The following CYFIP2 variants were observed in gnomAD, a reference collection of about 807,000 sequenced individuals.
CYFIP2 encodes the protein cytoplasmic FMR1 interacting protein 2, also known as cytoplasmic FMR1-interacting protein 2.
In CYFIP2, 29 loss-of-function variants were observed where a neutral mutation model predicts 158.7. That is an observed-to-expected ratio of 0.18 (90% CI 0.14 to 0.25). CYFIP2 has a LOEUF of 0.25. Among genes scored for constraint, CYFIP2 ranks in the 10% least tolerant of loss-of-function variants. The pLI is 1.00. For synonymous variants in CYFIP2, 585 were observed against 617.6 expected, an observed-to-expected ratio of 0.95 and a Z score of 0.78; for missense variants, 852 against 1,639.5, an observed-to-expected ratio of 0.52 and a Z score of 8.29.
At chr5:157,354,870 G>A (rs1382138599) in intron 23 of CYFIP2, among the ~76,000 whole-genome samples, 1 of 151,592 alleles carries the variant, frequency 6.6e-6, no homozygotes, top group African/African-American at 2.4e-5. Flanking sequence ...ATGTAAATGT[G>A]TATTTATTTG....
intron 1 of CYFIP2, among the ~76,000 whole-genome samples, chr5:157,267,888 TG>T (rs1180814324): frequency 6.6e-6 from 1 of 152,234 alleles, no homozygotes; most frequent in Non-Finnish European, 1.5e-5. Context: ...GCTCTGTATT[TG>T]GCAAGGGCAG....
At chr5:157,350,235 A>G (rs187503790) in intron 23 of CYFIP2, among the ~76,000 whole-genome samples, 3 of 152,300 alleles carry the variant, frequency 2.0e-5, no homozygotes, top group Admixed American at 6.5e-5. Context: ...ATGTTATCTT[A>G]TAAAATTTTT....
In CYFIP2 at chr5:157,338,938, A is replaced by G. The variant is rs774582984; in HGVS notation, c.2386-119A>G. On this transcript the variant is annotated intron_variant, in intron 21 of 30. Coordinates refer to ENST00000620254, the MANE Select transcript of CYFIP2 (RefSeq NM_001037333.3). ...TGTAAGGGTCCTAGTTCCCATGTAGATGGCCAGGAGGTTGTCTGAGCAGCT... is the reference window on the plus strand; with the variant it reads ...TGTAAGGGTCCTAGTTCCCATGTAGGTGGCCAGGAGGTTGTCTGAGCAGCT... 115 of 952,006 alleles carry G rather than the reference A, an allele frequency of 1.2e-4. 1 individual carries two copies. The highest frequency in any genetic ancestry group is 3.1e-4 in the Admixed American group (12 of 38,584). The allele number at this position is 952,006 out of a possible 1,614,324, so 59.0% of individuals were successfully genotyped here.
In CYFIP2 at chr5:157,311,758, C is replaced by T. The variant is rs1256350092; in HGVS notation, c.1087C>T (p.Leu363Phe). The change falls in exon 11 of 31, where the codon CTC becomes TTC. Residue 363 changes from leucine to phenylalanine, a missense_variant. Leu to Phe is a conservative substitution (Grantham distance 22). Around this residue, in one of 8 missense-constraint regions of CYFIP2, gnomAD observed 133 missense variants for 197.1 expected, o/e 0.67. Transcript: ENST00000620254. This position sits in a 1 kb window ranked among gnomAD's most constrained non-coding sequence, Gnocchi z 4.7. ...RDDHIRFISELARYSNSEVVT... is the reference protein window; with the variant it reads ...RDDHIRFISEFARYSNSEVVT... ...TGACCACATCCGCTTCATCTCCGAG[C>T]TCGCTCGCTACAGCAACAGTGAGGT... The T allele has an allele frequency of 6.2e-7, 1 of 1,600,660 alleles. No individual in the cohort carries two copies. Among genetic ancestry groups the T allele is most frequent in the Non-Finnish European group, 8.5e-7 (1 of 1,173,706 alleles).
intron 4 of CYFIP2, 24 bp downstream of exon 4, chr5:157,294,884 C>G (rs763395154): frequency 4.4e-6 from 7 of 1,600,236 alleles, no homozygotes; most frequent in Admixed American, 1.7e-5. Context: ...TGTTGTGTGT[C>G]TCTTTCCCCT....
At chr5:157,329,653 C>T (rs1761292322) in intron 19 of CYFIP2, among the ~76,000 whole-genome samples, 1 of 152,170 alleles carries the variant, frequency 6.6e-6, no homozygotes, top group African/African-American at 2.4e-5. Flanking sequence ...CCCACATATC[C>T]AAAACATTAT....
At chr5:157,283,100 A>G (rs73302157) in intron 1 of CYFIP2, among the ~76,000 whole-genome samples, 2,968 of 152,316 alleles carry the variant, frequency 0.019, 103 homozygotes, top group African/African-American at 0.069. Context: ...CTGACTTCAG[A>G]CTATGGAGCT....
chr5:157,296,829 C>G, intron 5 of CYFIP2, 55 bp downstream of exon 5: 4 of 1,415,638 alleles, frequency 2.8e-6, no homozygotes, highest in Non-Finnish European at 4.0e-6. Flanking sequence ...CCCTAGTTTT[C>G]TAACCACTGG....
chr5:157,330,733 T>G lies in CYFIP2; in HGVS notation c.2157-9T>G. 6.2e-7 allele frequency: 1 copy of G among 1,612,292 alleles called. No homozygotes were observed. The highest frequency in any genetic ancestry group is 8.5e-7 in the Non-Finnish European group (1 of 1,178,330). On this transcript the variant is annotated splice_polypyrimidine_tract_variant and intron_variant, in intron 19 of 30. Coordinates refer to ENST00000620254, the MANE Select transcript of CYFIP2 (RefSeq NM_001037333.3). ...TTTACTGGCCTTGTTTCACTTTTATTCCTTGCAGTGTCCTGTTGGATAAAC... is the reference window on the plus strand; with the variant it reads ...TTTACTGGCCTTGTTTCACTTTTATGCCTTGCAGTGTCCTGTTGGATAAAC...
intron 5 of CYFIP2, 60 bp downstream of exon 5, chr5:157,296,834 C>T: frequency 7.4e-7 from 1 of 1,345,702 alleles, no homozygotes; most frequent in Non-Finnish European, 1.0e-6. Flanking sequence ...GTTTTCTAAC[C>T]ACTGGGGTCT....
At chr5:157,352,078 C>A (rs1374161056) in intron 23 of CYFIP2, among the ~76,000 whole-genome samples, 4 of 152,202 alleles carry the variant, frequency 2.6e-5, no homozygotes, top group Non-Finnish European at 4.4e-5. Flanking sequence ...AGAATATATT[C>A]TCTAAATAAA....
In CYFIP2 at chr5:157,319,944, C is replaced by T. The variant is rs760541365; in HGVS notation, c.1523+16C>T. ...TCCTCATCAGGTGGGTTTTCAGATG[C>T]CTTCAGGAGCATATCAGACATAAGC... is the stretch of plus-strand genomic sequence containing the variant. On this transcript the variant is annotated intron_variant, in intron 14 of 30. Coordinates refer to ENST00000620254, the MANE Select transcript of CYFIP2 (RefSeq NM_001037333.3). The T allele has an allele frequency of 6.2e-7, 1 of 1,612,410 alleles. No homozygotes were observed. The highest frequency in any genetic ancestry group is 1.3e-5 in the African/African-American group (1 of 74,920).
At chr5:157,379,313 C>CT (rs1765802455) in intron 26 of CYFIP2, among the ~76,000 whole-genome samples, 1 of 152,056 alleles carries the variant, frequency 6.6e-6, no homozygotes, top group African/African-American at 2.4e-5. Context: ...ATCTTGACTC[C>CT]TTTCCATGAA....
At chr5:157,335,425 G>T (rs183327500) in intron 21 of CYFIP2, among the ~76,000 whole-genome samples, 3 of 152,266 alleles carry the variant, frequency 2.0e-5, no homozygotes, top group Non-Finnish European at 4.4e-5. Context: ...CTACAGGCAT[G>T]TGCCACCAGG....
intron 26 of CYFIP2, among the ~76,000 whole-genome samples, chr5:157,381,319 A>G (rs1053481535): frequency 1.3e-5 from 2 of 151,498 alleles, no homozygotes; most frequent in Admixed American, 1.3e-4. Context: ...ATTATTGTAC[A>G]TGTTTTTAGA....
At chr5:157,286,926 G>A (rs549204072) in intron 2 of CYFIP2, 93 bp from the exon 3 acceptor site, 33 of 883,890 alleles carry the variant, frequency 3.7e-5, no homozygotes, top group East Asian at 3.0e-4. Context: ...GAGAGCTTGC[G>A]TTGTTTGTTG....
chr5:157,314,901 G>C (rs1264070087), intron 12 of CYFIP2, 68 bp from the exon 13 acceptor site: 12 of 1,228,388 alleles, frequency 9.8e-6, no homozygotes, highest in Non-Finnish European at 1.4e-5. Context: ...TCCATTGCAT[G>C]GATCCACCAC....
intron 28 of CYFIP2, among the ~76,000 whole-genome samples, chr5:157,386,780 C>T (rs1006042315): frequency 6.6e-6 from 1 of 152,042 alleles, no homozygotes; most frequent in Non-Finnish European, 1.5e-5. Flanking sequence ...ATTAGTCGGG[C>T]GTGGTGGCCC....
At chr5:157,360,021 C>T (rs1763697254) in intron 24 of CYFIP2, among the ~76,000 whole-genome samples, 2 of 152,232 alleles carry the variant, frequency 1.3e-5, no homozygotes, top group South Asian at 2.1e-4. Flanking sequence ...AGCTCTTTGT[C>T]TGAATCTGCT....
Sources: gnomAD v4.1 joint callset for allele counts (sites outside exome capture counted in the v4.1 genomes callset) on GRCh38, gnomAD v4.1.1 for gene constraint, gnomAD v4.1.1 regional missense constraint, Gnocchi (gnomAD v3.1) non-coding constraint, MANE v1.5 for transcripts, NCBI Gene and HGNC (gene_info 2026-07-23, HGNC 2026-07-21) for gene names.